TGFBRAP1: variants seen among roughly 807,000 people sequenced by gnomAD.
TGFBRAP1 encodes transforming growth factor-beta receptor-associated protein 1.
In TGFBRAP1, 20 loss-of-function variants were observed where a neutral mutation model predicts 83.2. The observed-to-expected ratio is 0.24, with a 90% CI of 0.17 to 0.35. The LOEUF is 0.35. Among genes scored for constraint, TGFBRAP1 ranks in the 10% least tolerant of loss-of-function variants. The pLI, the probability that TGFBRAP1 is intolerant of heterozygous loss-of-function variation, is 1.00. For synonymous variants in TGFBRAP1, 415 were observed against 459.8 expected, an observed-to-expected ratio of 0.90 and a Z score of 1.25; for missense variants, 950 against 1,099.4, an observed-to-expected ratio of 0.86 and a Z score of 1.92.
At chr2:105,254,618 CA>C in the TGFBRAP1 span, among the ~76,000 whole-genome samples, 231 of 151,962 alleles carry the variant, frequency 1.5e-3, no homozygotes, top group Non-Finnish European at 3.0e-3. Flanking sequence ...ACCCTTTGAA[CA>C]AGCAGAAGTA....
chr2:105,293,789 T>C (rs1677992062), intron 4 of TGFBRAP1, among the ~76,000 whole-genome samples: 1 of 152,186 alleles, frequency 6.6e-6, no homozygotes, highest in African/African-American at 2.4e-5. Context: ...GGAAGGCCAG[T>C]TGGAAGCTCT....
chr2:105,273,802 GA>G, intron 8 of TGFBRAP1, 112 bp from the exon 9 acceptor site: 2 of 1,313,336 alleles, frequency 1.5e-6, no homozygotes, highest in Non-Finnish European at 2.1e-6. Context: ...CTTAAAATAT[GA>G]TTAAATTATT....
At position 105,307,898 on chromosome 2, in the gene TGFBRAP1, C is replaced by A. The variant is rs1051248108; in HGVS notation, c.404G>T (p.Cys135Phe). The change falls in exon 2 of 12, where the codon TGT becomes TTT. Residue 135 changes from cysteine (C) to phenylalanine (F), a missense_variant. By Grantham distance (205) the Cys-to-Phe change is radical (BLOSUM62 -2). Transcript: ENST00000393359. ...NENPVSGDPF[C>F]VEVCIISVKR... is the part of the protein sequence containing the mutation. Reference sequence around the variant, plus strand: ...GACAGAGATGATGCAAACTTCTACACAGAAGGGGTCCCCACTCACAGGGTT... The same window carrying A: ...GACAGAGATGATGCAAACTTCTACAAAGAAGGGGTCCCCACTCACAGGGTT... 2 of 1,614,236 alleles carry A rather than the reference C, an allele frequency of 1.2e-6. No homozygotes were observed. The highest frequency in any genetic ancestry group is 1.7e-6 in the Non-Finnish European group (2 of 1,180,044).
chr2:105,301,939 T>C (rs575307969), intron 2 of TGFBRAP1, among the ~76,000 whole-genome samples: 9 of 133,336 alleles, frequency 6.7e-5, no homozygotes, highest in African/African-American at 2.6e-4. Flanking sequence ...TTTTTCACGG[T>C]AAAATATGGA....
At chr2:105,280,222 T>C (rs1416253778) in intron 6 of TGFBRAP1, among the ~76,000 whole-genome samples, 160 bp downstream of exon 6, 1 of 152,106 alleles carries the variant, frequency 6.6e-6, no homozygotes, top group African/African-American at 2.4e-5. Flanking sequence ...GAGGAGCACA[T>C]GCATCTGCTG....
intron 1 of TGFBRAP1, among the ~76,000 whole-genome samples, chr2:105,308,746 T>C (rs1262802788): frequency 6.7e-6 from 1 of 150,268 alleles, no homozygotes; most frequent in Non-Finnish European, 1.5e-5. Context: ...GCCTGGGCAA[T>C]ATAATGAGAC....
At chr2:105,310,805 A>T (rs575384934) in intron 1 of TGFBRAP1, among the ~76,000 whole-genome samples, 2 of 152,330 alleles carry the variant, frequency 1.3e-5, no homozygotes, top group South Asian at 4.2e-4. Context: ...CATCTAAGTT[A>T]GTGAAAGTGA....
At chr2:105,308,377 C>G in intron 1 of TGFBRAP1, 59 bp from the exon 2 acceptor site, 1 of 1,430,816 alleles carries the variant, frequency 7.0e-7, no homozygotes, top group Non-Finnish European at 9.3e-7. Context: ...GAAACAGAGG[C>G]TGCAATAATG....
rs764616842 is a variant in TGFBRAP1, at chr2:105,269,107, G to A, written c.2406+165C>T. On this transcript the variant is annotated intron_variant, in intron 11 of 11. Coordinates refer to ENST00000393359, the MANE Select transcript of TGFBRAP1 (RefSeq NM_004257.6). This position sits in a 1 kb window ranked among gnomAD's most constrained non-coding sequence, Gnocchi z 4.1. Reference sequence around the variant, plus strand: ...ACCTACCAGCCCAGCCTCTGCCTCTGCTCACACAGACCTCAGTTTCTATGA... The same window carrying A: ...ACCTACCAGCCCAGCCTCTGCCTCTACTCACACAGACCTCAGTTTCTATGA... Among the ~76,000 whole-genome samples, 2 of 152,208 alleles carry A rather than the reference G, an allele frequency of 1.3e-5. No homozygotes were observed. Among genetic ancestry groups the A allele is most frequent in the African/African-American group, 4.8e-5 (2 of 41,458 alleles).
chr2:105,283,891 A>C (rs540502362), intron 5 of TGFBRAP1, among the ~76,000 whole-genome samples: 105 of 152,342 alleles, frequency 6.9e-4, no homozygotes, highest in African/African-American at 2.5e-3. Context: ...AGAAAGTTTC[A>C]TAAGTCTTCC....
In TGFBRAP1 at chr2:105,265,063, T is replaced by C. The variant is rs1676875937; in HGVS notation, c.*2320A>G. The C allele has an allele frequency of 6.6e-6, 1 of 152,250 alleles. No homozygotes were observed. Among genetic ancestry groups the C allele is most frequent in the South Asian group, 2.1e-4 (1 of 4,838 alleles). 9.4% of individuals were successfully genotyped at this position (152,250 alleles called of 1,614,324 possible). A position where few individuals can be genotyped will look rare whatever the true frequency, so the allele number is the denominator to read the frequency against. On this transcript the variant is annotated 3_prime_UTR_variant, in exon 12 of 12. Coordinates refer to ENST00000393359, the MANE Select transcript of TGFBRAP1 (RefSeq NM_004257.6). ...AATTCTTCATACTGTAATAGAATGCTGCTTGTGGTGAAGGATTTGGTAGAG... is the reference window on the plus strand; with the variant it reads ...AATTCTTCATACTGTAATAGAATGCCGCTTGTGGTGAAGGATTTGGTAGAG...
chr2:105,294,307 GGTGTGTGTGTGTGT>G (rs3060066), intron 4 of TGFBRAP1, among the ~76,000 whole-genome samples: 2 of 147,894 alleles, frequency 1.4e-5, no homozygotes, highest in Non-Finnish European at 3.0e-5. Flanking sequence ...TAGGAGTGAG[GGTGTGTGTGTGTGT>G]GTGTGTGTGT....
intron 1 of TGFBRAP1, among the ~76,000 whole-genome samples, chr2:105,312,254 G>C (rs116805268): frequency 1.6e-3 from 251 of 152,174 alleles, no homozygotes; most frequent in Non-Finnish European, 2.3e-3. Flanking sequence ...TTGTGCCCAA[G>C]AGTTCAAGAC....
At chr2:105,275,947 T>C (rs547056558) in intron 7 of TGFBRAP1, among the ~76,000 whole-genome samples, 34 of 152,318 alleles carry the variant, frequency 2.2e-4, no homozygotes, top group African/African-American at 6.3e-4. Flanking sequence ...TATCTTTCTT[T>C]CTTTTTTTAA....
Position 105,267,442 on chromosome 2 carries a change from G to A in TGFBRAP1, c.2524C>T (p.His842Tyr). 2 of 1,614,222 alleles carry A rather than the reference G, an allele frequency of 1.2e-6. No homozygotes were observed. The highest frequency in any genetic ancestry group is 1.7e-6 in the Non-Finnish European group (2 of 1,180,036). The change falls in exon 12 of 12, where the codon CAC becomes TAC. Residue 842 changes from histidine to tyrosine, a missense_variant. His to Tyr is a moderately conservative substitution (Grantham distance 83, BLOSUM62 2). Transcript: ENST00000393359. ...TTTGTGTGTCTGCTGGCGGCACAGT[G>A]GGTGTGCACAAGACCACCATTTGGG... ...RYPNGGLVHT[H>Y]CAASRHTNPS...
chr2:105,289,658 C>T (rs1457051212), intron 4 of TGFBRAP1, among the ~76,000 whole-genome samples: 1 of 152,254 alleles, frequency 6.6e-6, no homozygotes, highest in East Asian at 1.9e-4. Context: ...CTGCACAGCG[C>T]TGCAGCACCC....
chr2:105,309,248 C>T (rs1373092341), intron 1 of TGFBRAP1, among the ~76,000 whole-genome samples: 5 of 152,204 alleles, frequency 3.3e-5, no homozygotes, highest in African/African-American at 7.2e-5. Context: ...TCCCTGTGAG[C>T]GGGAGCAGGG....
At chr2:105,282,612 G>A (rs1677579197) in intron 5 of TGFBRAP1, among the ~76,000 whole-genome samples, 2 of 152,046 alleles carry the variant, frequency 1.3e-5, no homozygotes, top group African/African-American at 4.8e-5. Flanking sequence ...ATGACTTGAG[G>A]CCACGAGTTT....
At chr2:105,275,730 G>GA in intron 7 of TGFBRAP1, 27 bp from the exon 8 acceptor site, 1 of 1,583,288 alleles carries the variant, frequency 6.3e-7, no homozygotes, top group Non-Finnish European at 8.6e-7. Flanking sequence ...AAGAAAAAAA[G>GA]AAAAAGAAAA....
Sources: allele counts gnomAD v4.1 joint callset (sites outside exome capture counted in the v4.1 genomes callset), GRCh38; gene constraint gnomAD v4.1.1; non-coding constraint Gnocchi (gnomAD v3.1); transcripts MANE v1.5; gene names NCBI Gene and HGNC (gene_info 2026-07-23, HGNC 2026-07-21).